BMP1: variants seen among roughly 807,000 people sequenced by gnomAD.
BMP1 encodes the protein mammalian tolloid protein.
A neutral mutation model predicts 116.8 loss-of-function variants in BMP1; 63 were observed. The observed-to-expected ratio is 0.54, with a 90% CI of 0.44 to 0.67. BMP1 has a LOEUF of 0.67. Among genes scored for constraint, BMP1 ranks in the 30% least tolerant of loss-of-function variants. BMP1 has a pLI of 0.00. For synonymous variants in BMP1, 536 were observed against 533.4 expected (o/e 1.00, Z -0.07); for missense variants, 1,183 against 1,358.9 (o/e 0.87, Z 2.04).
At chr8:22,189,433 T>TATACAC (rs1554483556) in intron 8 of BMP1, among the ~76,000 whole-genome samples, 1 of 141,380 alleles carries the variant, frequency 7.1e-6, no homozygotes, top group Non-Finnish European at 1.5e-5. Flanking sequence ...TTGATGGAGA[T>TATACAC]ACACACACAC....
At chr8:22,198,974 A>T (rs2131891192) in intron 15 of BMP1, 1 of 1,283,572 alleles carries the variant, frequency 7.8e-7, no homozygotes, top group East Asian at 4.8e-5. Flanking sequence ...GCCCCGGGAA[A>T]CCATTACCTG....
chr8:22,188,998 C>G (rs1828856860), intron 8 of BMP1, among the ~76,000 whole-genome samples: 1 of 152,238 alleles, frequency 6.6e-6, no homozygotes, highest in African/African-American at 2.4e-5. Flanking sequence ...TGCATCCCTT[C>G]TTCCACCCAG....
intron 1 of BMP1, 37 bp downstream of exon 1, chr8:22,165,590 G>A (rs1323140080): frequency 1.0e-5 from 16 of 1,538,566 alleles, no homozygotes; most frequent in Non-Finnish European, 1.2e-5. Context: ...CGGGCCAGGC[G>A]GGGAGGCGCG....
At chr8:22,166,783 C>T (rs191619175) in intron 1 of BMP1, among the ~76,000 whole-genome samples, 72 of 152,220 alleles carry the variant, frequency 4.7e-4, no homozygotes, top group African/African-American at 1.7e-3. Context: ...TCAGCCCTTA[C>T]CCCTCTACAC....
In BMP1 at chr8:22,194,557, C is replaced by G; in HGVS notation, c.1410C>G (p.Gly470=). 6.2e-7 allele frequency: 1 copy of G among 1,614,192 alleles called. No individual in the cohort carries two copies. Among genetic ancestry groups the G allele is most frequent in the Non-Finnish European group, 8.5e-7 (1 of 1,180,028 alleles). ...TCTGGCGGATCCAGGTGTCTGAGGGCTTCCACGTGGGCCTCACATTCCAGT... is the reference window on the plus strand; with the variant it reads ...TCTGGCGGATCCAGGTGTCTGAGGGGTTCCACGTGGGCCTCACATTCCAGT... ...VCIWRIQVSE[G]FHVGLTFQSF... Residue 470 remains glycine (G), a synonymous_variant, in exon 11 of 20, where the codon GGC becomes GGG. Coordinates refer to ENST00000306385, the MANE Select transcript of BMP1 (RefSeq NM_006129.5). The surrounding 1 kb of genome is among the most constrained non-coding windows in gnomAD (Gnocchi z 4.5).
intron 1 of BMP1, chr8:22,171,210 G>C (rs1332402103): frequency 1.3e-5 from 2 of 152,200 alleles, no homozygotes; most frequent in Non-Finnish European, 1.5e-5. Context: ...CTTACTGGCT[G>C]GTGACCTTGA....
rs201111936 is a variant in BMP1 at position 22,210,369 on chromosome 8, T to TC, written c.2826+674_2826+675insC. On this transcript the variant is annotated intron_variant, in intron 19 of 19. Transcript: ENST00000306385. ...AGAGCTTGCAGCTGCCTCTTCTTCTTTTTTTTTTTTTTTTTTTGTCCTTTC... is the reference window on the plus strand; with the variant it reads ...AGAGCTTGCAGCTGCCTCTTCTTCTTCTTTTTTTTTTTTTTTTTGTCCTTTC... 1.5e-4 allele frequency among the ~76,000 whole-genome samples: 10 copies of TC among 67,594 alleles called. No homozygotes were observed. In the African/African-American group the frequency reaches 1.5e-3, roughly 10 times the overall value. The allele number at this position is 67,594 out of a possible 152,430, so 44.3% of individuals were successfully genotyped here.
intron 8 of BMP1, among the ~76,000 whole-genome samples, chr8:22,189,799 G>A (rs183185511): frequency 2.6e-5 from 4 of 152,188 alleles, no homozygotes; most frequent in Admixed American, 6.5e-5. Flanking sequence ...CTACTCCCTC[G>A]CAAGAGCTAG....
Position 22,206,876 on chromosome 8 carries a change from A to T in BMP1, c.2256A>T (p.Thr752=). 1 of 1,614,186 alleles carries T rather than the reference A, an allele frequency of 6.2e-7. No individual in the cohort carries two copies. Among genetic ancestry groups the T allele is most frequent in the Non-Finnish European group, 8.5e-7 (1 of 1,180,012 alleles). Residue 752 remains threonine, a synonymous_variant, in exon 17 of 20, where the codon ACA becomes ACT. Transcript: ENST00000306385. ...CKEAGCDHKV[T]STSGTITSPN... is the part of the protein sequence containing the mutation. ...CAGCCGGCTGTGACCACAAGGTGAC[A>T]TCCACCAGTGGTACCATCACCAGCC...
Position 22,176,108 on chromosome 8 carries a change from C to T in BMP1, c.263-35C>T, listed in dbSNP as rs560005086. The T allele has an allele frequency of 8.7e-6, 14 of 1,604,810 alleles. No homozygotes were observed. The South Asian group carries it at 1.5e-4, about 18-fold the overall frequency. The stretch of plus-strand genomic sequence containing the variant: ...ATGCTTTTGCTTTCCTCCTCTTTCT[C>T]TCCACTCACTAGTCACCATGACTTC... On this transcript the variant is annotated intron_variant, in intron 2 of 19. Coordinates refer to ENST00000306385, the MANE Select transcript of BMP1 (RefSeq NM_006129.5).
rs76179025 is a variant in BMP1, at chr8:22,177,546, C to T, written c.731-306C>T. The T allele has an allele frequency of 9.7e-4, 706 of 730,186 alleles. 3 individuals carry two copies. The African/African-American group carries it at 0.011, about 11-fold the overall frequency. The allele number at this position is 730,186 out of a possible 1,614,324, so 45.2% of individuals were successfully genotyped here. A position where few individuals can be genotyped will look rare whatever the true frequency, so the allele number is the denominator to read the frequency against. ...CTCGATGTCTCTGTCCCTCCCTTCC[C>T]GCCTCCTCCCTCTCTCCCAGGCGTT... On this transcript the variant is annotated intron_variant, in intron 5 of 19. Transcript: ENST00000306385.
At chr8:22,188,971 G>A (rs1002817919) in intron 8 of BMP1, among the ~76,000 whole-genome samples, 3 of 152,192 alleles carry the variant, frequency 2.0e-5, no homozygotes, top group Admixed American at 6.5e-5. Flanking sequence ...GAGCCAGAGC[G>A]CCCTCACTCG....
chr8:22,207,632 C>CT, intron 18 of BMP1, 116 bp downstream of exon 18: 7 of 1,214,150 alleles, frequency 5.8e-6, no homozygotes, highest in Non-Finnish European at 8.0e-6. Context: ...CGACCCAGGG[C>CT]CAGGGTTGTG....
intron 17 of BMP1, 95 bp from the exon 18 acceptor site, chr8:22,207,208 T>A: frequency 6.9e-7 from 1 of 1,439,074 alleles, no homozygotes; most frequent in South Asian, 1.3e-5. Flanking sequence ...GCTGCTCCCA[T>A]GGGTATCTGT....
intron 1 of BMP1, 100 bp downstream of exon 1, chr8:22,165,653 A>G: frequency 8.0e-7 from 1 of 1,257,396 alleles, no homozygotes; most frequent in Non-Finnish European, 1.0e-6. Flanking sequence ...GGAAGCCGGG[A>G]GCTGCCTGGT....
At position 22,180,458 on chromosome 8, in the gene BMP1, G is replaced by C. The variant is rs577420762; in HGVS notation, c.1052G>C (p.Arg351Pro). Residue 351 changes from arginine (R) to proline (P), a missense_variant, in exon 8 of 20, where the codon CGC becomes CCC. Physicochemically the swap from Arg to Pro is moderately radical, Grantham distance 103 (BLOSUM62 -2). Coordinates refer to ENST00000306385, the MANE Select transcript of BMP1 (RefSeq NM_006129.5). ...TCTGCTCACATGCACTGCGTGTGGCGCATCTCTGTCACACCCGGGGAGAAG... is the reference window on the plus strand; with the variant it reads ...TCTGCTCACATGCACTGCGTGTGGCCCATCTCTGTCACACCCGGGGAGAAG... ...GYSAHMHCVW[R>P]ISVTPGEKII... 23 of 1,613,718 alleles carry C rather than the reference G, an allele frequency of 1.4e-5. No homozygotes were observed. The highest frequency in any genetic ancestry group is 1.9e-5 in the Non-Finnish European group (23 of 1,179,900).
chr8:22,207,566 G>A, intron 18 of BMP1, 50 bp downstream of exon 18: 1 of 1,594,236 alleles, frequency 6.3e-7, no homozygotes, highest in Non-Finnish European at 8.6e-7. Flanking sequence ...CTCCAAGACT[G>A]GGGTAGAGTC....
chr8:22,201,767 C>T lies in BMP1; in HGVS notation c.2108-36C>T, dbSNP rs368895967. 2.4e-5 allele frequency: 39 copies of T among 1,609,836 alleles called. No homozygotes were observed. In the African/African-American group the frequency reaches 4.8e-4, roughly 20 times the overall value. On this transcript the variant is annotated intron_variant, in intron 15 of 19. Transcript: ENST00000306385. Reference sequence around the variant, plus strand: ...GGGGCATCCCAACCTCAGCCCTGCACAGACCCAGCGTCTGCCCTTATTTGC... The same window carrying T: ...GGGGCATCCCAACCTCAGCCCTGCATAGACCCAGCGTCTGCCCTTATTTGC...
intron 1 of BMP1, chr8:22,169,836 A>G (rs111948028): frequency 0.091 from 13,812 of 152,242 alleles, 814 homozygotes; most frequent in Non-Finnish European, 0.14. Flanking sequence ...TCCCAGGCAC[A>G]AGCACACAGA....
Sources: allele counts gnomAD v4.1 joint callset (sites outside exome capture counted in the v4.1 genomes callset), GRCh38; gene constraint gnomAD v4.1.1; non-coding constraint Gnocchi (gnomAD v3.1); transcripts MANE v1.5; gene names NCBI Gene and HGNC (gene_info 2026-07-23, HGNC 2026-07-21).